The following CDKAL1 variants were observed in gnomAD, a reference collection of about 807,000 sequenced individuals.
The protein encoded by CDKAL1 is CDKAL1 threonylcarbamoyladenosine tRNA methylthiotransferase.
In CDKAL1, 32 loss-of-function variants were observed where a neutral mutation model predicts 68.2. The observed-to-expected ratio is 0.47, with a 90% CI of 0.35 to 0.63. The LOEUF (loss-of-function observed/expected upper bound fraction) is 0.63. Ranked by LOEUF, CDKAL1 falls within the 30% of genes least tolerant of loss-of-function variation. The pLI is 0.00. For synonymous variants in CDKAL1, 234 were observed against 244.3 expected (o/e 0.96, Z 0.39); for missense variants, 606 against 696.7 (o/e 0.87, Z 1.47).
At chr6:20,644,765 T>C (rs984652941) in intron 4 of CDKAL1, among the ~76,000 whole-genome samples, 1 of 152,232 alleles carries the variant, frequency 6.6e-6, no homozygotes, top group African/African-American at 2.4e-5. Flanking sequence ...TAAAAGATTA[T>C]GTAATTTTTT....
At chr6:21,047,446 AT>A (rs1770304966) in intron 11 of CDKAL1, among the ~76,000 whole-genome samples, 1 of 152,232 alleles carries the variant, frequency 6.6e-6, no homozygotes, top group African/African-American at 2.4e-5. Flanking sequence ...TGAAATTGGT[AT>A]TAGTCAAAAC....
At chr6:20,945,002 A>T (rs1262187815) in intron 9 of CDKAL1, among the ~76,000 whole-genome samples, 1 of 151,936 alleles carries the variant, frequency 6.6e-6, no homozygotes, top group Non-Finnish European at 1.5e-5. Context: ...TTTAAACAGT[A>T]TTTCTTTGTC....
At chr6:20,896,530 G>A (rs754375596) in intron 9 of CDKAL1, among the ~76,000 whole-genome samples, 1 of 152,136 alleles carries the variant, frequency 6.6e-6, no homozygotes, top group East Asian at 1.9e-4. Flanking sequence ...GCATATTTCT[G>A]TAATTGCTTA....
chr6:20,575,118 T>G (rs1386572787), intron 4 of CDKAL1, among the ~76,000 whole-genome samples: 2 of 151,956 alleles, frequency 1.3e-5, no homozygotes, highest in African/African-American at 4.8e-5. Context: ...AAAAATAAAG[T>G]TAGGACATTT....
rs564336278 is a variant in CDKAL1, at chr6:20,953,814, G to A, written c.743-1605G>A. Among the ~76,000 whole-genome samples, 6 of 152,234 alleles carry A rather than the reference G, an allele frequency of 3.9e-5. No homozygotes were observed. The East Asian group carries it at 1.2e-3, about 29-fold the overall frequency. On this transcript the variant is annotated intron_variant, in intron 9 of 15. Transcript: ENST00000274695. ...ATTAAGCAAAGGTTTATTATTTCTG[G>A]AAGTAGGTATTTAATTTAAACTATG...
chr6:20,839,053 T>C (rs967423271), intron 8 of CDKAL1, among the ~76,000 whole-genome samples: 1 of 152,160 alleles, frequency 6.6e-6, no homozygotes, highest in Non-Finnish European at 1.5e-5. Flanking sequence ...GTGTGTCAAT[T>C]GACATATTAG....
intron 9 of CDKAL1, among the ~76,000 whole-genome samples, chr6:20,941,901 G>C (rs1232807157): frequency 6.6e-6 from 1 of 152,164 alleles, no homozygotes; most frequent in Admixed American, 6.5e-5. Context: ...TTTTTTCCAT[G>C]AGGTAGTTAT....
At chr6:20,834,869 C>T (rs1182578227) in intron 8 of CDKAL1, among the ~76,000 whole-genome samples, 1 of 152,178 alleles carries the variant, frequency 6.6e-6, no homozygotes, top group East Asian at 1.9e-4. Flanking sequence ...AGTCCATTCT[C>T]TCTTGTCTAG....
intron 5 of CDKAL1, among the ~76,000 whole-genome samples, chr6:20,730,381 C>T (rs532466050): frequency 7.3e-5 from 9 of 124,090 alleles, no homozygotes; most frequent in Admixed American, 3.8e-4. Context: ...GAGCCCGACC[C>T]GAAAAAAAAG....
At chr6:21,119,724 T>A (rs1378068390) in intron 13 of CDKAL1, among the ~76,000 whole-genome samples, 1 of 152,224 alleles carries the variant, frequency 6.6e-6, no homozygotes, top group Non-Finnish European at 1.5e-5. Flanking sequence ...ACACAATTTC[T>A]TAGGGGTTCT....
chr6:20,677,934 TCA>T (rs1209928237), intron 5 of CDKAL1, among the ~76,000 whole-genome samples: 3 of 152,190 alleles, frequency 2.0e-5, no homozygotes, highest in Admixed American at 1.3e-4. Context: ...TGCAATGTGA[TCA>T]GAGTTATTTT....
chr6:20,910,596 C>G (rs555931159), intron 9 of CDKAL1, among the ~76,000 whole-genome samples: 1 of 152,178 alleles, frequency 6.6e-6, no homozygotes, highest in Non-Finnish European at 1.5e-5. Flanking sequence ...TTACCTCAGA[C>G]CCCCTCTGTG....
chr6:21,219,491 A>C (rs182799555), intron 15 of CDKAL1, among the ~76,000 whole-genome samples: 96 of 152,346 alleles, frequency 6.3e-4, no homozygotes, highest in African/African-American at 2.0e-3. Flanking sequence ...AATTGTATAA[A>C]CCATGTAATT....
At chr6:20,980,185 A>G (rs905860812) in intron 10 of CDKAL1, among the ~76,000 whole-genome samples, 2 of 148,456 alleles carry the variant, frequency 1.3e-5, no homozygotes, top group East Asian at 2.0e-4. Context: ...AGAAGCCTCC[A>G]AAGATAGATA....
chr6:20,576,351 A>T (rs79240261), intron 4 of CDKAL1, among the ~76,000 whole-genome samples: 5,166 of 152,158 alleles, frequency 0.034, 279 homozygotes, highest in African/African-American at 0.12. Flanking sequence ...GAATTTTGTC[A>T]ATTTTCTTTT....
intron 13 of CDKAL1, among the ~76,000 whole-genome samples, chr6:21,157,576 TAAAAAAA>T (rs1776706093): frequency 6.6e-6 from 1 of 152,086 alleles, no homozygotes; most frequent in African/African-American, 2.4e-5. Context: ...TTAAGTAATA[TAAAAAAA>T]TAGCTAAGTG....
At chr6:20,875,087 C>A (rs971847537) in intron 9 of CDKAL1, among the ~76,000 whole-genome samples, 4 of 151,464 alleles carry the variant, frequency 2.6e-5, no homozygotes, top group African/African-American at 9.7e-5. Flanking sequence ...ATCATGAGGT[C>A]AGGAGATCGA....
chr6:20,578,024 G>T (rs182019531), intron 4 of CDKAL1, among the ~76,000 whole-genome samples: 4 of 152,266 alleles, frequency 2.6e-5, no homozygotes, highest in East Asian at 1.9e-4. Context: ...ACATGTATTT[G>T]TCTTCCCTGG....
chr6:21,018,057 C>T (rs1443310614), intron 11 of CDKAL1, among the ~76,000 whole-genome samples: 1 of 152,098 alleles, frequency 6.6e-6, no homozygotes, highest in Non-Finnish European at 1.5e-5. Context: ...AAATTGATTG[C>T]CAGCAGGGGT....
Sources: gnomAD v4.1 joint callset for allele counts (sites outside exome capture counted in the v4.1 genomes callset) on GRCh38, gnomAD v4.1.1 for gene constraint, MANE v1.5 for transcripts, NCBI Gene and HGNC (gene_info 2026-07-23, HGNC 2026-07-21) for gene names.